DDX4: variants seen among roughly 807,000 people sequenced by gnomAD.
DDX4 encodes DEAD-box helicase 4.
A neutral mutation model predicts 100.0 loss-of-function variants in DDX4; 25 were observed. The ratio of observed to expected loss-of-function variants is 0.25; its 90% CI spans 0.18 to 0.35. DDX4 has a LOEUF of 0.35. Ranked by LOEUF, DDX4 falls within the 10% of genes least tolerant of loss-of-function variation. DDX4 has a pLI of 1.00. For missense variants in DDX4, 635 were observed against 882.4 expected (o/e 0.72, Z 3.55); for synonymous variants, 259 against 275.7 (o/e 0.94, Z 0.60).
intron 5 of DDX4, among the ~76,000 whole-genome samples, 163 bp from the exon 6 acceptor site, chr5:55,763,851 C>G (rs534711681): frequency 6.6e-6 from 1 of 152,124 alleles, no homozygotes; most frequent in African/African-American, 2.4e-5. Context: ...TAAACTGACA[C>G]AAAGCAGAAA....
At position 55,760,133 on chromosome 5, in the gene DDX4, G is replaced by T. The variant is rs950159316; in HGVS notation, c.128-67G>T. The stretch of plus-strand genomic sequence containing the variant: ...TCCTTTGCCACATGTGGCACAGAAG[G>T]CTTAAGGTTTGCAAGTACTAGATAC... On this transcript the variant is annotated intron_variant, in intron 3 of 21. Coordinates refer to ENST00000505374, the MANE Select transcript of DDX4 (RefSeq NM_024415.3). 5 of 1,513,090 alleles carry T rather than the reference G, an allele frequency of 3.3e-6. No individual in the cohort carries two copies. The East Asian group carries it at 8.0e-5, about 24-fold the overall frequency. 93.7% of individuals were successfully genotyped at this position (1,513,090 alleles called of 1,614,324 possible).
At chr5:55,787,725 T>C in intron 14 of DDX4, 121 bp from the exon 15 acceptor site, 1 of 1,094,566 alleles carries the variant, frequency 9.1e-7, no homozygotes, top group Non-Finnish European at 1.2e-6. Flanking sequence ...TCATTTCTCA[T>C]CTTAAATTTA....
At chr5:55,754,695 G>GC (rs1759817174) in intron 3 of DDX4, among the ~76,000 whole-genome samples, 3 of 151,280 alleles carry the variant, frequency 2.0e-5, no homozygotes, top group Middle Eastern at 3.4e-3. Context: ...CATAAAATGA[G>GC]TTAGGGAGGA....
chr5:55,749,040 A>G (rs756032757), intron 3 of DDX4, among the ~76,000 whole-genome samples: 12 of 152,190 alleles, frequency 7.9e-5, no homozygotes, highest in Admixed American at 3.3e-4. Flanking sequence ...CTTTTATTTA[A>G]TAGTCATGGA....
At chr5:55,802,412 A>G (rs1418064695) in intron 18 of DDX4, among the ~76,000 whole-genome samples, 1 of 152,238 alleles carries the variant, frequency 6.6e-6, no homozygotes, top group African/African-American at 2.4e-5. Context: ...ATATTAAAAT[A>G]ATATTAACAG....
chr5:55,805,585 G>A (rs1005244708), intron 18 of DDX4, among the ~76,000 whole-genome samples: 3 of 152,204 alleles, frequency 2.0e-5, no homozygotes, highest in African/African-American at 7.2e-5. Context: ...AGATGATCAT[G>A]TGGTTTTTGT....
chr5:55,755,714 C>A (rs1759884169), intron 3 of DDX4, among the ~76,000 whole-genome samples: 1 of 145,912 alleles, frequency 6.9e-6, no homozygotes, highest in African/African-American at 2.5e-5. Flanking sequence ...AGGGCAGATT[C>A]TTTTTTTTTT....
intron 2 of DDX4, among the ~76,000 whole-genome samples, chr5:55,739,429 A>G (rs908946976): frequency 6.6e-6 from 1 of 152,238 alleles, no homozygotes; most frequent in Non-Finnish European, 1.5e-5. Flanking sequence ...TTCTCAGGAT[A>G]AATGATACTA....
rs148539880 is a variant in DDX4, at chr5:55,815,325, G to A, written c.1999G>A (p.Val667Ile). 6.8e-6 allele frequency: 11 copies of A among 1,611,194 alleles called. No homozygotes were observed. In the African/African-American group the frequency reaches 1.2e-4, roughly 18 times the overall value. Residue 667 changes from valine (V) to isoleucine (I), a missense_variant, in exon 21 of 22, where the codon GTT becomes ATT. Around this residue, in one of 4 missense-constraint regions of DDX4, gnomAD observed 73 missense variants for 98.5 expected, o/e 0.74. Transcript: ENST00000505374. ...ATTTTTTTTAAAGGCTCAACAGGAT[G>A]TTCCTGCATGGTTGGAAGAAATTGC... Reference protein sequence around the residue: ...VKVLTDAQQDVPAWLEEIAFS... With the variant: ...VKVLTDAQQDIPAWLEEIAFS...
intron 18 of DDX4, 59 bp downstream of exon 18, chr5:55,798,630 A>T (rs916666799): frequency 8.9e-6 from 13 of 1,463,726 alleles, no homozygotes; most frequent in Middle Eastern, 1.8e-4. Context: ...TGAATAATTT[A>T]AAAAATCACT....
rs143618461 is a variant in DDX4, at chr5:55,786,643, T to C, written c.990T>C (p.Ala330=). 2.0e-4 allele frequency: 318 copies of C among 1,613,534 alleles called. 1 individual carries two copies. In the African/African-American group the frequency reaches 3.4e-3, roughly 17 times the overall value. ...PIILAGRDLM[A]CAQTGSGKTA... The stretch of plus-strand genomic sequence containing the variant: ...TACTTGCAGGACGAGATTTGATGGC[T>C]TGCGCTCAAACAGGGTCTGGGAAGA... Residue 330 remains alanine (A), a synonymous_variant, in exon 14 of 22, where the codon GCT becomes GCC. Coordinates refer to ENST00000505374, the MANE Select transcript of DDX4 (RefSeq NM_024415.3).
At chr5:55,790,347 T>C (rs1033469612) in intron 15 of DDX4, among the ~76,000 whole-genome samples, 4 of 152,262 alleles carry the variant, frequency 2.6e-5, no homozygotes, top group Middle Eastern at 3.4e-3. Flanking sequence ...GATTTTACCA[T>C]GTTGGCCAGG....
chr5:55,755,136 A>G (rs575261560), intron 3 of DDX4, among the ~76,000 whole-genome samples: 2 of 152,198 alleles, frequency 1.3e-5, no homozygotes, highest in African/African-American at 4.8e-5. Context: ...GTGTGATGCA[A>G]ATTTCATTTC....
chr5:55,790,746 TTTTG>T lies in DDX4; in HGVS notation c.1302+46_1302+49del, dbSNP rs1369318998. The T allele has an allele frequency of 3.1e-6, 5 of 1,591,456 alleles. No individual in the cohort carries two copies. In the African/African-American group the frequency reaches 5.4e-5, roughly 17 times the overall value. On this transcript the variant is annotated intron_variant, in intron 16 of 21. Coordinates refer to ENST00000505374, the MANE Select transcript of DDX4 (RefSeq NM_024415.3). ...ATAATGAAGTTGTGAGATTGATACT[TTTTG>T]TTTGGTATGGGAAAAGGAAAGAATG... is the stretch of plus-strand genomic sequence containing the variant.
At chr5:55,770,870 T>C (rs1331362314) in intron 7 of DDX4, among the ~76,000 whole-genome samples, 2 of 152,204 alleles carry the variant, frequency 1.3e-5, no homozygotes, top group Non-Finnish European at 2.9e-5. Flanking sequence ...TAGCTCATAT[T>C]TGAAATTTTT....
intron 18 of DDX4, among the ~76,000 whole-genome samples, chr5:55,800,985 T>G (rs1472021574): frequency 1.3e-5 from 2 of 152,178 alleles, no homozygotes; most frequent in Non-Finnish European, 2.9e-5. Context: ...GCCTTTTTCA[T>G]AATTTTAATT....
intron 7 of DDX4, among the ~76,000 whole-genome samples, chr5:55,769,908 C>G (rs939607422): frequency 6.6e-6 from 1 of 151,638 alleles, no homozygotes; most frequent in African/African-American, 2.4e-5. Context: ...ACTCTGTCAC[C>G]CAGGCTGGAG....
At chr5:55,781,489 C>A (rs1371300014) in intron 9 of DDX4, among the ~76,000 whole-genome samples, 1 of 152,090 alleles carries the variant, frequency 6.6e-6, no homozygotes, top group African/African-American at 2.4e-5. Flanking sequence ...TAAAGTTAAA[C>A]CTAGAGGCCG....
chr5:55,749,834 A>T, intron 3 of DDX4, among the ~76,000 whole-genome samples: 1 of 146,684 alleles, frequency 6.8e-6, no homozygotes, highest in Non-Finnish European at 1.5e-5. Flanking sequence ...TTCCCAGAAA[A>T]CTTTTTGCAA....
Sources: gnomAD v4.1 joint callset for allele counts (sites outside exome capture counted in the v4.1 genomes callset) on GRCh38, gnomAD v4.1.1 for gene constraint, gnomAD v4.1.1 regional missense constraint, MANE v1.5 for transcripts, NCBI Gene and HGNC (gene_info 2026-07-23, HGNC 2026-07-21) for gene names.